Variants in ARNT2 observed in about 807,000 individuals in gnomAD.
The protein encoded by ARNT2 is ARNT protein 2.
Under a neutral mutation model 91.7 loss-of-function variants are expected in ARNT2, and 36 were observed. The ratio of observed to expected loss-of-function variants is 0.39; its 90% CI spans 0.30 to 0.52. The LOEUF (loss-of-function observed/expected upper bound fraction) is 0.52, where lower values mean the gene tolerates loss of function less well. Ranked by LOEUF, ARNT2 falls within the 20% of genes least tolerant of loss-of-function variation. The pLI, the probability that ARNT2 is intolerant of heterozygous loss-of-function variation, is 0.72. For missense variants in ARNT2, 775 were observed against 939.3 expected, an observed-to-expected ratio of 0.83 and a Z score of 2.29; for synonymous variants, 365 against 347.1, an observed-to-expected ratio of 1.05 and a Z score of -0.57.
At chr15:80,514,646 G>T (rs1033630200) in intron 8 of ARNT2, among the ~76,000 whole-genome samples, 1 of 152,222 alleles carries the variant, frequency 6.6e-6, no homozygotes, top group East Asian at 1.9e-4. Context: ...CAGCACTTTG[G>T]GGGGCCAAGG....
chr15:80,473,841 C>CT (rs1217689557), intron 4 of ARNT2, among the ~76,000 whole-genome samples: 5 of 152,304 alleles, frequency 3.3e-5, no homozygotes, highest in Non-Finnish European at 5.9e-5. Flanking sequence ...GACTCTCCAC[C>CT]TTTTGCCTTC....
intron 1 of ARNT2, among the ~76,000 whole-genome samples, chr15:80,449,826 G>A (rs1057402493): frequency 3.3e-5 from 5 of 152,128 alleles, no homozygotes; most frequent in Non-Finnish European, 7.4e-5. Flanking sequence ...AACATCACCA[G>A]GCATCTCTCT....
intron 2 of ARNT2, among the ~76,000 whole-genome samples, chr15:80,453,105 G>C (rs1896425913): frequency 6.6e-6 from 1 of 152,214 alleles, no homozygotes; most frequent in African/African-American, 2.4e-5. Flanking sequence ...CTGCACCACT[G>C]TGCTTTCCTT....
intron 8 of ARNT2, among the ~76,000 whole-genome samples, chr15:80,547,010 T>G (rs1596007418): frequency 6.8e-6 from 1 of 146,154 alleles, no homozygotes; most frequent in African/African-American, 2.5e-5. Flanking sequence ...AAGAAAGAAA[T>G]AGAGGCAATG....
chr15:80,534,854 C>T (rs989863419), intron 8 of ARNT2, among the ~76,000 whole-genome samples: 1 of 152,200 alleles, frequency 6.6e-6, no homozygotes, highest in South Asian at 2.1e-4. Flanking sequence ...TTGGTAGTTA[C>T]CCTGCCGAAC....
At position 80,450,785 on chromosome 15, in the gene ARNT2, C is replaced by T. The variant is rs554403843; in HGVS notation, c.32-95C>T. 14 of 1,234,312 alleles carry T rather than the reference C, an allele frequency of 1.1e-5. No individual in the cohort carries two copies. In the African/African-American group the frequency reaches 1.6e-4, roughly 14 times the overall value. The allele number at this position is 1,234,312 out of a possible 1,614,324, so 76.5% of individuals were successfully genotyped here. ...AGGATGCAGGTCCCTGGGCTCTCTG[C>T]GCAGGTGGTGCTTCTGGTACCGTAT... On this transcript the variant is annotated intron_variant, in intron 1 of 18. Transcript: ENST00000303329.
intron 6 of ARNT2, among the ~76,000 whole-genome samples, chr15:80,512,822 C>G (rs954621597): frequency 1.3e-5 from 2 of 152,176 alleles, no homozygotes; most frequent in Admixed American, 6.5e-5. Flanking sequence ...TTCCAGGGAG[C>G]GTGATATTGG....
At position 80,592,215 on chromosome 15, in the gene ARNT2, T is replaced by C. The variant is rs142269290; in HGVS notation, c.2055+511T>C. On this transcript the variant is annotated intron_variant, in intron 18 of 18. Transcript: ENST00000303329. ...TGAGGATACCTGGGCACCTTGAAAC[T>C]CTCCATTATTTGAGACCTTTCTAGA... Among the ~76,000 whole-genome samples the C allele has an allele frequency of 7.0e-4, 107 of 152,224 alleles. 1 individual carries two copies. Among genetic ancestry groups the C allele is most frequent in the African/African-American group, 2.5e-3 (105 of 41,544 alleles).
intron 5 of ARNT2, among the ~76,000 whole-genome samples, chr15:80,491,661 C>T (rs541669167): frequency 1.3e-5 from 2 of 152,226 alleles, no homozygotes; most frequent in South Asian, 4.1e-4. Context: ...TATAGAAAGA[C>T]TGTTCTGGTT....
intron 12 of ARNT2, among the ~76,000 whole-genome samples, chr15:80,569,908 G>C (rs1898555677): frequency 1.3e-5 from 2 of 152,254 alleles, no homozygotes; most frequent in African/African-American, 2.4e-5. Flanking sequence ...TCCTGTCTCT[G>C]AGATTCTGGG....
At chr15:80,586,987 G>A (rs908978954) in intron 17 of ARNT2, among the ~76,000 whole-genome samples, 2 of 152,162 alleles carry the variant, frequency 1.3e-5, no homozygotes, top group Admixed American at 6.5e-5. Context: ...CAGACACCAT[G>A]CACCCTCTTC....
chr15:80,591,527 A>G lies in ARNT2; in HGVS notation c.1919-41A>G. On this transcript the variant is annotated intron_variant, in intron 17 of 18. Coordinates refer to ENST00000303329, the MANE Select transcript of ARNT2 (RefSeq NM_014862.4). The surrounding 1 kb of genome is among the most constrained non-coding windows in gnomAD (Gnocchi z 5.1). ...TTCTTAGGTCTCACAGAACCACGGG[A>G]TGGCTTTTAAAGGAAGTGTCCTGTG... The G allele has an allele frequency of 1.2e-6, 2 of 1,610,664 alleles. No homozygotes were observed. Among genetic ancestry groups the G allele is most frequent in the South Asian group, 1.1e-5 (1 of 90,930 alleles).
chr15:80,515,271 C>T (rs1181085502), intron 8 of ARNT2, among the ~76,000 whole-genome samples: 1 of 152,022 alleles, frequency 6.6e-6, no homozygotes, highest in Non-Finnish European at 1.5e-5. Context: ...AATATACAAC[C>T]AAGAGAATTG....
chr15:80,596,923 C>A lies in ARNT2; in HGVS notation c.*3225C>A. The A allele has an allele frequency of 2.8e-6, 1 of 356,190 alleles. No homozygotes were observed. The highest frequency in any genetic ancestry group is 5.5e-6 in the Non-Finnish European group (1 of 180,876). 22.1% of individuals were successfully genotyped at this position (356,190 alleles called of 1,614,324 possible). A position where few individuals can be genotyped will look rare whatever the true frequency, so the allele number is the denominator to read the frequency against. ...AACACTCTGTCCATGCGTCACTCCC[C>A]CCAGTTTTATTTTTAGCTTTGGCTT... On this transcript the variant is annotated 3_prime_UTR_variant, in exon 19 of 19. Coordinates refer to ENST00000303329, the MANE Select transcript of ARNT2 (RefSeq NM_014862.4).
At chr15:80,508,629 A>C (rs538174701) in intron 6 of ARNT2, among the ~76,000 whole-genome samples, 1 of 152,178 alleles carries the variant, frequency 6.6e-6, no homozygotes, top group Non-Finnish European at 1.5e-5. Flanking sequence ...ACACTTATTC[A>C]TATATTTCCT....
intron 2 of ARNT2, among the ~76,000 whole-genome samples, chr15:80,451,741 T>C (rs539637717): frequency 4.7e-5 from 7 of 148,302 alleles, no homozygotes; most frequent in African/African-American, 1.5e-4. Flanking sequence ...AACCAACCAA[T>C]CAACCAACCA....
intron 12 of ARNT2, among the ~76,000 whole-genome samples, chr15:80,565,563 A>T (rs1228558822): frequency 6.8e-6 from 1 of 146,716 alleles, no homozygotes. Flanking sequence ...CTTTTTACTA[A>T]TAGCCATTCT....
rs1464586395 is a variant in ARNT2, at chr15:80,581,298, C to T, written c.1812C>T (p.His604=). 1.2e-6 allele frequency: 2 copies of T among 1,614,168 alleles called. No homozygotes were observed. The highest frequency in any genetic ancestry group is 2.2e-5 in the East Asian group (1 of 44,884). The change falls in exon 17 of 19, where the codon CAC becomes CAT. Residue 604 remains histidine, a synonymous_variant. Coordinates refer to ENST00000303329, the MANE Select transcript of ARNT2 (RefSeq NM_014862.4). Reference sequence around the variant, plus strand: ...CTCCCTTTGGGATTGGAACGAGCCACACCTACCCGGCAGACCCCTCTTCCT... The same window carrying T: ...CTCCCTTTGGGATTGGAACGAGCCATACCTACCCGGCAGACCCCTCTTCCT... The part of the protein sequence containing the change: ...QSSPFGIGTS[H]TYPADPSSYS...
At chr15:80,494,011 C>A (rs1040211194) in intron 5 of ARNT2, among the ~76,000 whole-genome samples, 1 of 152,214 alleles carries the variant, frequency 6.6e-6, no homozygotes, top group African/African-American at 2.4e-5. Context: ...TGCCATGATG[C>A]TTCCTGGAGT....
Sources: allele counts gnomAD v4.1 joint callset (sites outside exome capture counted in the v4.1 genomes callset), GRCh38; gene constraint gnomAD v4.1.1; non-coding constraint Gnocchi (gnomAD v3.1); transcripts MANE v1.5; gene names NCBI Gene and HGNC (gene_info 2026-07-23, HGNC 2026-07-21).